The following NBEAL2 variants were observed in gnomAD, a reference collection of about 807,000 sequenced individuals.
NBEAL2 encodes the protein neurobeachin-like protein 2.
In NBEAL2, 160 loss-of-function variants were observed where a neutral mutation model predicts 299.8. The observed-to-expected ratio is 0.53, with a 90% CI of 0.47 to 0.61. The LOEUF (loss-of-function observed/expected upper bound fraction) is 0.61. NBEAL2 is among the 20% of genes least tolerant of loss of function. The pLI is 0.00. For missense variants in NBEAL2, 3,112 were observed against 3,649.0 expected, an observed-to-expected ratio of 0.85 and a Z score of 3.79; for synonymous variants, 1,493 against 1,542.3, an observed-to-expected ratio of 0.97 and a Z score of 0.75.
At chr3:47,007,792 C>CTG in intron 48 of NBEAL2, 24 bp from the exon 49 acceptor site, 1 of 1,611,150 alleles carries the variant, frequency 6.2e-7, no homozygotes, top group Non-Finnish European at 8.5e-7. Flanking sequence ...TCCGTTCTGC[C>CTG]TGTACCCTCC....
intron 45 of NBEAL2, 164 bp from the exon 46 acceptor site, chr3:47,006,902 C>T: frequency 1.6e-6 from 1 of 607,910 alleles, no homozygotes; most frequent in South Asian, 2.2e-5. Flanking sequence ...TCTGAGATGC[C>T]CTCCTAAAGT....
rs886587125 is a variant in NBEAL2 at position 46,997,621 on chromosome 3, A to T, written c.2885A>T (p.Gln962Leu). The T allele has an allele frequency of 6.3e-7, 1 of 1,599,880 alleles. No homozygotes were observed. The highest frequency in any genetic ancestry group is 8.5e-7 in the Non-Finnish European group (1 of 1,169,810). The change falls in exon 20 of 54, where the codon CAG (glutamine) becomes CTG (leucine). Residue 962 changes from glutamine (Q) to leucine (L), a missense_variant. Physicochemically the swap from Gln to Leu is moderately radical, Grantham distance 113 (BLOSUM62 -2). Around this residue, in one of 3 missense-constraint regions of NBEAL2, gnomAD observed 2,243 missense variants for 2,538.1 expected, o/e 0.88. Coordinates refer to ENST00000450053, the MANE Select transcript of NBEAL2 (RefSeq NM_015175.3). ...CTGCTGATGCTGCGGAACTTCCTTC[A>T]GGGTCACATGGTGAACCAAGAGAGC... ...AFLLMLRNFL[Q>L]GHMVNQESLV...
intron 1 of NBEAL2, chr3:46,981,957 G>A (rs1197788141): frequency 1.3e-5 from 2 of 152,336 alleles, no homozygotes; most frequent in African/African-American, 4.8e-5. Context: ...TGGAGCATAG[G>A]CTGGCAGGTT....
In NBEAL2 at chr3:47,001,486, G is replaced by A; in HGVS notation, c.4644+48G>A. On this transcript the variant is annotated intron_variant, in intron 29 of 53. Coordinates refer to ENST00000450053, the MANE Select transcript of NBEAL2 (RefSeq NM_015175.3). This position sits in a 1 kb window ranked among gnomAD's most constrained non-coding sequence, Gnocchi z 6.1. ...GAGCCACATGAACACTCATGTTCAT[G>A]CAAGCCTGCAGGGATCTGGTCTGGG... is the stretch of plus-strand genomic sequence containing the variant. 2 of 1,589,576 alleles carry A rather than the reference G, an allele frequency of 1.3e-6. No individual in the cohort carries two copies. The highest frequency in any genetic ancestry group is 1.7e-6 in the Non-Finnish European group (2 of 1,169,902).
chr3:46,991,151 G>A lies in NBEAL2; in HGVS notation c.557-68G>A, dbSNP rs1437294094. On this transcript the variant is annotated intron_variant, in intron 6 of 53. Coordinates refer to ENST00000450053, the MANE Select transcript of NBEAL2 (RefSeq NM_015175.3). This position sits in a 1 kb window ranked among gnomAD's most constrained non-coding sequence, Gnocchi z 6.2. ...CTCCACCCCAGGGCACTCACCTCTT[G>A]TGCAGCCCCCTGGGTCCATAGCCCT... 1.4e-6 allele frequency: 2 copies of A among 1,405,050 alleles called. No homozygotes were observed. The highest frequency in any genetic ancestry group is 2.5e-5 in the East Asian group (1 of 40,452). The allele number at this position is 1,405,050 out of a possible 1,614,324, so 87.0% of individuals were successfully genotyped here. A position where few individuals can be genotyped will look rare whatever the true frequency, so the allele number is the denominator to read the frequency against.
rs1428647430 is a variant in NBEAL2 at position 46,998,151 on chromosome 3, C to T, written c.3043C>T (p.Leu1015Phe). 1.0e-5 allele frequency: 16 copies of T among 1,604,178 alleles called. No individual in the cohort carries two copies. The highest frequency in any genetic ancestry group is 1.3e-5 in the African/African-American group (1 of 74,868). ...GGTGGCAGCTGAGGGCAGCGGGCCC[C>T]TCCTGTACCTACTCTACCAGCATTT... is the stretch of plus-strand genomic sequence containing the variant. Reference protein sequence around the residue: ...EQVAAEGSGPLLYLLYQHLLF... With the variant: ...EQVAAEGSGPFLYLLYQHLLF... Residue 1015 changes from leucine (L) to phenylalanine (F), a missense_variant, in exon 21 of 54, where the codon CTC (leucine) becomes TTC (phenylalanine). Coordinates refer to ENST00000450053, the MANE Select transcript of NBEAL2 (RefSeq NM_015175.3).
chr3:47,004,360 C>A lies in NBEAL2; in HGVS notation c.6165C>A (p.Pro2055=), dbSNP rs201897629. 3.7e-6 allele frequency: 6 copies of A among 1,601,084 alleles called. No individual in the cohort carries two copies. The highest frequency in any genetic ancestry group is 3.4e-5 in the Admixed American group (2 of 59,518). Residue 2055 remains proline, a synonymous_variant, in exon 37 of 54, where the codon CCC becomes CCA. Transcript: ENST00000450053. This position sits in a 1 kb window ranked among gnomAD's most constrained non-coding sequence, Gnocchi z 5.0. ...PSQGYLSSRS[P]QEMLRASGLT... ...AAGGCTACCTAAGCAGCCGCTCCCCCCAGGAGATGCTGCGTGCCTCAGGCC... is the reference window on the plus strand; with the variant it reads ...AAGGCTACCTAAGCAGCCGCTCCCCACAGGAGATGCTGCGTGCCTCAGGCC...
chr3:46,998,273 C>G (rs1283384315), intron 21 of NBEAL2, 47 bp downstream of exon 21: 1 of 1,585,470 alleles, frequency 6.3e-7, no homozygotes, highest in African/African-American at 1.3e-5. Context: ...GGCAGCTGAG[C>G]ACTGAGAAGT....
At chr3:46,987,979 A>G (rs2107283497) in intron 1 of NBEAL2, 2 of 1,275,344 alleles carry the variant, frequency 1.6e-6, no homozygotes, top group Non-Finnish European at 2.0e-6. Flanking sequence ...GGGAGGAGAC[A>G]TTTCCCGTTC....
intron 9 of NBEAL2, 126 bp from the exon 10 acceptor site, chr3:46,992,348 CT>C: frequency 1.1e-6 from 1 of 872,076 alleles, no homozygotes; most frequent in Non-Finnish European, 1.9e-6. Flanking sequence ...GCTCAGCACC[CT>C]ACTCTTCCCT....
Position 46,991,258 on chromosome 3 carries a change from T to C in NBEAL2, c.596T>C (p.Leu199Pro). 1 of 1,608,624 alleles carries C rather than the reference T, an allele frequency of 6.2e-7. No individual in the cohort carries two copies. Among genetic ancestry groups the C allele is most frequent in the Non-Finnish European group, 8.5e-7 (1 of 1,177,408 alleles). Residue 199 changes from leucine (L) to proline (P), a missense_variant, in exon 7 of 54, where the codon CTG (leucine) becomes CCG (proline). Around this residue, in one of 3 missense-constraint regions of NBEAL2, gnomAD observed 2,243 missense variants for 2,538.1 expected, o/e 0.88. Coordinates refer to ENST00000450053, the MANE Select transcript of NBEAL2 (RefSeq NM_015175.3). The surrounding 1 kb of genome is among the most constrained non-coding windows in gnomAD (Gnocchi z 6.2). ...QNADHLPPIL[L>P]LRLIHLFCAV... ...GCAGACCACTTGCCTCCCATACTGCTGTTACGTCTCATCCACCTCTTCTGC... is the reference window on the plus strand; with the variant it reads ...GCAGACCACTTGCCTCCCATACTGCCGTTACGTCTCATCCACCTCTTCTGC...
In NBEAL2 at chr3:47,004,249, C is replaced by G. The variant is rs1079276; in HGVS notation, c.6054C>G (p.Pro2018=). ...TTPVSSPSQT[P]RPQPGPIPPH... ...CAGTCTCATCTCCTAGCCAGACTCC[C>G]AGACCCCAGCCTGGCCCCATCCCAC... is the stretch of plus-strand genomic sequence containing the variant. The change falls in exon 37 of 54, where the codon CCC becomes CCG. Residue 2018 remains proline, a synonymous_variant. Coordinates refer to ENST00000450053, the MANE Select transcript of NBEAL2 (RefSeq NM_015175.3). This position sits in a 1 kb window ranked among gnomAD's most constrained non-coding sequence, Gnocchi z 5.0. The G allele has an allele frequency of 0.56, 899,164 of 1,613,396 alleles. 254,952 individuals are homozygous for G. The highest frequency in any genetic ancestry group is 0.58 in the Non-Finnish European group (682,320 of 1,179,720).
In NBEAL2 at chr3:47,009,509, G is replaced by A. The variant is rs745975726; in HGVS notation, c.*189G>A. ...TTGGCGGGCGGAAGTCCCGCCCCTCGCCGGCTGAGGGGCCGCCCTGAGGGC... is the reference window on the plus strand; with the variant it reads ...TTGGCGGGCGGAAGTCCCGCCCCTCACCGGCTGAGGGGCCGCCCTGAGGGC... On this transcript the variant is annotated 3_prime_UTR_variant, in exon 54 of 54. Transcript: ENST00000450053. 5.0e-5 allele frequency: 31 copies of A among 625,770 alleles called. No homozygotes were observed. Among genetic ancestry groups the A allele is most frequent in the Non-Finnish European group, 7.2e-5 (26 of 363,634 alleles). 38.8% of individuals were successfully genotyped at this position (625,770 alleles called of 1,614,324 possible).
rs371607035 is a variant in NBEAL2, at chr3:47,001,056, C to T, written c.4361C>T (p.Thr1454Met). The T allele has an allele frequency of 5.0e-5, 81 of 1,612,180 alleles. No homozygotes were observed. Among genetic ancestry groups the T allele is most frequent in the Middle Eastern group, 3.3e-4 (2 of 6,078 alleles). Residue 1454 changes from threonine (T) to methionine (M), a missense_variant, in exon 28 of 54, where the codon ACG (threonine) becomes ATG (methionine). Thr to Met is a moderately conservative substitution (Grantham distance 81). Coordinates refer to ENST00000450053, the MANE Select transcript of NBEAL2 (RefSeq NM_015175.3). This position sits in a 1 kb window ranked among gnomAD's most constrained non-coding sequence, Gnocchi z 6.1. ...CTCACCAACGTGCTGTTCTCGGTGA[C>T]GTGGCGTGGCGTGGAAGGCAGCGAT... ...NLLTNVLFSV[T>M]WRGVEGSDEA... is the part of the protein sequence containing the mutation.
Position 46,997,275 on chromosome 3 carries a change from T to C in NBEAL2, c.2666T>C (p.Val889Ala), listed in dbSNP as rs2036572380. 1.9e-6 allele frequency: 3 copies of C among 1,612,758 alleles called. No individual in the cohort carries two copies. Among genetic ancestry groups the C allele is most frequent in the African/African-American group, 1.3e-5 (1 of 75,018 alleles). Residue 889 changes from valine (V) to alanine (A), a missense_variant, in exon 19 of 54, where the codon GTT (valine) becomes GCT (alanine). Around this residue, in one of 3 missense-constraint regions of NBEAL2, gnomAD observed 2,243 missense variants for 2,538.1 expected, o/e 0.88. Coordinates refer to ENST00000450053, the MANE Select transcript of NBEAL2 (RefSeq NM_015175.3). Reference sequence around the variant, plus strand: ...TTCCCCCAGGATGTGGTGAACTGCGTTGGGGGTATGGGTGCCCTGCTGCCC... The same window carrying C: ...TTCCCCCAGGATGTGGTGAACTGCGCTGGGGGTATGGGTGCCCTGCTGCCC... Reference protein sequence around the residue: ...TWDVKDVVNCVGGMGALLPLL... With the variant: ...TWDVKDVVNCAGGMGALLPLL...
chr3:46,998,933 C>T, intron 23 of NBEAL2, 26 bp from the exon 24 acceptor site: 1 of 1,603,282 alleles, frequency 6.2e-7, no homozygotes, highest in South Asian at 1.1e-5. Flanking sequence ...GGGGGCCCGA[C>T]ACAGTGTGAG....
intron 18 of NBEAL2, 52 bp downstream of exon 18, chr3:46,997,098 A>G (rs374781278): frequency 1.3e-6 from 2 of 1,574,074 alleles, no homozygotes; most frequent in African/African-American, 1.4e-5. Flanking sequence ...TATGGGGCAC[A>G]TGTGTGTTCG....
At chr3:47,006,288 C>T (rs777972012) in intron 44 of NBEAL2, 26 bp downstream of exon 44, 17 of 1,608,782 alleles carry the variant, frequency 1.1e-5, no homozygotes, top group Admixed American at 1.7e-5. Flanking sequence ...AGGATAGTGG[C>T]CAGGGATGCC....
rs1222817891 is a variant in NBEAL2 at position 47,005,933 on chromosome 3, T to C, written c.6802-13T>C. The C allele has an allele frequency of 6.2e-7, 1 of 1,612,770 alleles. No individual in the cohort carries two copies. Among genetic ancestry groups the C allele is most frequent in the Non-Finnish European group, 8.5e-7 (1 of 1,179,276 alleles). ...AGCTGTCCCTGCACTGATTGCTGCCTCCCTACTCTCAGGAGTCGGAGTATG... is the reference window on the plus strand; with the variant it reads ...AGCTGTCCCTGCACTGATTGCTGCCCCCCTACTCTCAGGAGTCGGAGTATG... On this transcript the variant is annotated splice_polypyrimidine_tract_variant and intron_variant, in intron 42 of 53. Coordinates refer to ENST00000450053, the MANE Select transcript of NBEAL2 (RefSeq NM_015175.3).
Sources: allele counts gnomAD v4.1 joint callset, GRCh38; gene constraint gnomAD v4.1.1; regional missense constraint gnomAD v4.1.1; non-coding constraint Gnocchi (gnomAD v3.1); transcripts MANE v1.5; gene names NCBI Gene and HGNC (gene_info 2026-07-23, HGNC 2026-07-21).